Variants in RAD51B observed in about 807,000 individuals in gnomAD.
RAD51B encodes the protein DNA repair protein RAD51 homolog 2.
A neutral mutation model predicts 42.2 loss-of-function variants in RAD51B; 38 were observed. That is an observed-to-expected ratio of 0.90 (90% CI 0.70 to 1.18). The LOEUF (loss-of-function observed/expected upper bound fraction) is 1.18. RAD51B is among the 50% of genes most tolerant of loss of function. RAD51B has a pLI of 0.00. For synonymous variants in RAD51B, 154 were observed against 145.2 expected (o/e 1.06, Z -0.43); for missense variants, 373 against 400.7 (o/e 0.93, Z 0.59).
rs570791143 is a variant in RAD51B at position 67,926,683 on chromosome 14, C to G, written c.756+39479C>G. ...GGTTCAAGCGATTCTCCTGCCTCAG[C>G]CTCCCAAGTAGCTGGGACAACAGGC... On this transcript the variant is annotated intron_variant, in intron 7 of 10. Transcript: ENST00000471583. Among the ~76,000 whole-genome samples the G allele has an allele frequency of 1.5e-4, 23 of 151,002 alleles. No individual in the cohort carries two copies. The Admixed American group carries it at 1.5e-3, about 10-fold the overall frequency.
intron 9 of RAD51B, among the ~76,000 whole-genome samples, chr14:68,431,995 C>G (rs142336553): frequency 6.6e-6 from 1 of 152,102 alleles, no homozygotes; most frequent in East Asian, 1.9e-4. Flanking sequence ...TTTCTGCCTT[C>G]ATTTCGTTAT....
chr14:68,168,927 C>T (rs983006895), intron 7 of RAD51B, among the ~76,000 whole-genome samples: 1 of 152,116 alleles, frequency 6.6e-6, no homozygotes, highest in South Asian at 2.1e-4. Context: ...TCATGTTCAG[C>T]GAGTACATTT....
intron 4 of RAD51B, among the ~76,000 whole-genome samples, chr14:67,847,772 C>G (rs913826848): frequency 6.6e-6 from 1 of 152,100 alleles, no homozygotes; most frequent in East Asian, 1.9e-4. Context: ...GTGTGTGGAT[C>G]GTTCTATAGA....
chr14:68,043,641 G>A (rs1298288550), intron 7 of RAD51B, among the ~76,000 whole-genome samples: 1 of 152,182 alleles, frequency 6.6e-6, no homozygotes, highest in Non-Finnish European at 1.5e-5. Flanking sequence ...TCCCTGGCTT[G>A]ATCTGCAAAT....
At chr14:68,560,502 G>A (rs1016205613) in intron 10 of RAD51B, among the ~76,000 whole-genome samples, 17 of 152,156 alleles carry the variant, frequency 1.1e-4, no homozygotes, top group African/African-American at 4.1e-4. Flanking sequence ...TTGGGAGGCT[G>A]AGGTGGGCGG....
At chr14:67,828,544 A>G (rs569842917) in intron 3 of RAD51B, among the ~76,000 whole-genome samples, 7 of 152,126 alleles carry the variant, frequency 4.6e-5, no homozygotes, top group African/African-American at 9.6e-5. Context: ...TTGTCATGAT[A>G]TCTTTGCTTG....
At chr14:68,121,664 G>A (rs2077654184) in intron 7 of RAD51B, among the ~76,000 whole-genome samples, 1 of 151,432 alleles carries the variant, frequency 6.6e-6, no homozygotes, top group Non-Finnish European at 1.5e-5. Context: ...AAAGAAATTA[G>A]AAATAAAAAA....
intron 9 of RAD51B, among the ~76,000 whole-genome samples, chr14:68,465,954 ATAAATAAAT>A (rs1182705950): frequency 2.2e-4 from 9 of 40,404 alleles, no homozygotes; most frequent in Middle Eastern, 0.011. Context: ...AAAAAAAAAA[ATAAATAAAT>A]AAATAAATAA....
chr14:68,276,965 G>A (rs1437268929), intron 7 of RAD51B, among the ~76,000 whole-genome samples: 1 of 152,184 alleles, frequency 6.6e-6, no homozygotes, highest in African/African-American at 2.4e-5. Context: ...AGCTGCACTT[G>A]AAAAGATGAG....
intron 10 of RAD51B, among the ~76,000 whole-genome samples, chr14:68,486,034 A>T (rs576418284): frequency 6.6e-6 from 1 of 152,340 alleles, no homozygotes; most frequent in South Asian, 2.1e-4. Flanking sequence ...ACCTCATCAG[A>T]TGGCTAAAAG....
intron 11 of RAD51B, among the ~76,000 whole-genome samples, chr14:68,665,179 G>A (rs904594915): frequency 2.0e-5 from 3 of 152,202 alleles, no homozygotes; most frequent in African/African-American, 4.8e-5. Context: ...CAAGGAGAAT[G>A]GAGTGAGGGG....
intron 7 of RAD51B, among the ~76,000 whole-genome samples, chr14:68,208,485 G>C (rs912832182): frequency 2.0e-4 from 31 of 152,168 alleles, no homozygotes; most frequent in African/African-American, 7.5e-4. Context: ...TTTTCTAACA[G>C]GATCATGTCC....
intron 10 of RAD51B, among the ~76,000 whole-genome samples, chr14:68,517,845 TG>T (rs1886268280): frequency 6.6e-6 from 1 of 152,216 alleles, no homozygotes; most frequent in Admixed American, 6.5e-5. Context: ...ATATGGATAT[TG>T]GTGAGGAAGC....
chr14:68,455,374 T>G (rs2085658226), intron 9 of RAD51B, among the ~76,000 whole-genome samples: 1 of 152,086 alleles, frequency 6.6e-6, no homozygotes, highest in Non-Finnish European at 1.5e-5. Context: ...AAAGAATTCT[T>G]CAGGCTGAAA....
rs190097704 is a variant in RAD51B, at chr14:68,639,993, G to A, written c.1037-10788G>A. Among the ~76,000 whole-genome samples, 316 of 152,080 alleles carry A rather than the reference G, an allele frequency of 2.1e-3. 1 individual carries two copies. Among genetic ancestry groups the A allele is most frequent in the Middle Eastern group, 0.014 (4 of 294 alleles). On this transcript the variant is annotated intron_variant, in intron 10 of 11. Transcript: ENST00000488612. ...ATTTTTGTATTTTTAGTGGAGATGG[G>A]GTTTCACCACGTTGGCCAGGCTGGT...
intron 5 of RAD51B, among the ~76,000 whole-genome samples, chr14:67,868,564 C>T (rs1210175261): frequency 5.3e-5 from 8 of 151,846 alleles, no homozygotes; most frequent in Admixed American, 4.6e-4. Flanking sequence ...CCAGGAAGCT[C>T]GAACTGGGTG....
chr14:68,567,393 C>A (rs1889478439), intron 10 of RAD51B, among the ~76,000 whole-genome samples: 1 of 152,212 alleles, frequency 6.6e-6, no homozygotes, highest in Non-Finnish European at 1.5e-5. Context: ...TCATATACCC[C>A]TGTCCCCCAA....
intron 10 of RAD51B, among the ~76,000 whole-genome samples, chr14:68,545,163 G>T (rs528605611): frequency 7.7e-4 from 117 of 152,322 alleles, no homozygotes; most frequent in Non-Finnish European, 1.2e-3. Context: ...TGAGCACCAG[G>T]TTCCATGGGC....
intron 8 of RAD51B, among the ~76,000 whole-genome samples, chr14:68,362,763 T>G (rs1209621831): frequency 1.3e-5 from 2 of 151,862 alleles, no homozygotes; most frequent in South Asian, 2.1e-4. Context: ...GCAAGAGAAT[T>G]GCTTGAACCC....
Sources: allele counts gnomAD v4.1 joint callset (sites outside exome capture counted in the v4.1 genomes callset), GRCh38; gene constraint gnomAD v4.1.1; transcripts MANE v1.5; gene names NCBI Gene and HGNC (gene_info 2026-07-23, HGNC 2026-07-21).